Variants in DMD observed in about 807,000 individuals in gnomAD.
The protein encoded by DMD is dystrophin.
DMD carries 63 observed loss-of-function variants against 330.1 expected under a neutral mutation model. The observed-to-expected ratio is 0.19, with a 90% CI of 0.16 to 0.24. DMD has a LOEUF of 0.24. Ranked by LOEUF, DMD falls within the 10% of genes least tolerant of loss-of-function variation. The pLI is 1.00. For synonymous variants in DMD, 1,223 were observed against 959.8 expected (o/e 1.27, Z -5.07); for missense variants, 3,344 against 2,684.1 (o/e 1.25, Z -5.43).
intron 50 of DMD, among the ~76,000 whole-genome samples, chrX:31,793,066 C>T (rs769343963): frequency 5.4e-5 from 6 of 110,904 alleles, no homozygotes; most frequent in Non-Finnish European, 1.1e-4. Flanking sequence ...AAGTAATCTT[C>T]CCCTGAAGTC....
chrX:32,051,576 T>C (rs1196359161), intron 44 of DMD, among the ~76,000 whole-genome samples: 1 of 109,604 alleles, frequency 9.1e-6, no homozygotes, highest in Non-Finnish European at 1.9e-5. Context: ...ACACTAGATA[T>C]AGGTGAAGTG....
intron 45 of DMD, among the ~76,000 whole-genome samples, chrX:31,953,867 T>C (rs1722569487): frequency 9.0e-6 from 1 of 111,706 alleles, no homozygotes; most frequent in South Asian, 3.7e-4. Context: ...GTTACATACT[T>C]CCAAAGGTAA....
At position 33,096,785 on chromosome X, in the gene DMD, C is replaced by T. The variant is rs184055324; in HGVS notation, c.32-76585G>A. ...CCTCCCAAAGTGCTGGGATTATAGGCGCGAGCCACCGCACCTGGCCAAAGG... is the reference window on the plus strand; with the variant it reads ...CCTCCCAAAGTGCTGGGATTATAGGTGCGAGCCACCGCACCTGGCCAAAGG... On this transcript the variant is annotated intron_variant, in intron 1 of 78. Transcript: ENST00000357033. Among the ~76,000 whole-genome samples, 75 of 112,399 alleles carry T rather than the reference C, an allele frequency of 6.7e-4. 2 individuals are homozygous for T. In the East Asian group the frequency reaches 0.015, roughly 22 times the overall value.
intron 47 of DMD, among the ~76,000 whole-genome samples, chrX:31,903,295 T>A (rs2094444331): frequency 9.0e-6 from 1 of 111,625 alleles, no homozygotes; most frequent in South Asian, 3.7e-4. Flanking sequence ...CTAGCCATAT[T>A]TCAAATGCTC....
intron 27 of DMD, among the ~76,000 whole-genome samples, chrX:32,443,988 G>A (rs957462960): frequency 9.0e-6 from 1 of 110,674 alleles, no homozygotes; most frequent in Non-Finnish European, 1.9e-5. Context: ...AGAACCTCAG[G>A]TGTGAGAAAG....
At chrX:31,344,868 C>T (rs1312860138) in intron 61 of DMD, among the ~76,000 whole-genome samples, 1 of 110,664 alleles carries the variant, frequency 9.0e-6, no homozygotes, top group Non-Finnish European at 1.9e-5. Flanking sequence ...TACACACACA[C>T]ACACACACAC....
At chrX:31,469,683 T>C (rs1433851404) in intron 59 of DMD, among the ~76,000 whole-genome samples, 2 of 111,454 alleles carry the variant, frequency 1.8e-5, no homozygotes, top group Non-Finnish European at 3.8e-5. Flanking sequence ...CTTTGTGGTG[T>C]TCTCCATATT....
In DMD at chrX:33,096,635, G is replaced by A. The variant is rs187529734; in HGVS notation, c.32-76435C>T. On this transcript the variant is annotated intron_variant, in intron 1 of 78. Coordinates refer to ENST00000357033, the MANE Select transcript of DMD (RefSeq NM_004006.3). Reference sequence around the variant, plus strand: ...TTCTCCTGCCTCAGCCTCCCAAGTAGCTGGGATTACAAGCATGCACCACCA... The same window carrying A: ...TTCTCCTGCCTCAGCCTCCCAAGTAACTGGGATTACAAGCATGCACCACCA... Among the ~76,000 whole-genome samples the A allele has an allele frequency of 3.9e-3, 425 of 109,993 alleles. 2 individuals carry two copies. The highest frequency in any genetic ancestry group is 0.013 in the African/African-American group (403 of 30,264).
At chrX:32,983,909 A>T (rs1319589665) in intron 2 of DMD, among the ~76,000 whole-genome samples, 2 of 111,410 alleles carry the variant, frequency 1.8e-5, no homozygotes, top group African/African-American at 6.5e-5. Flanking sequence ...TCTTATTTTT[A>T]AAAAATGCTA....
At chrX:32,959,626 A>T (rs1174739734) in intron 2 of DMD, among the ~76,000 whole-genome samples, 2 of 111,137 alleles carry the variant, frequency 1.8e-5, no homozygotes. Context: ...TGACTGCCCA[A>T]ATCCTTACTG....
intron 12 of DMD, among the ~76,000 whole-genome samples, chrX:32,608,218 T>A (rs1248354549): frequency 9.1e-6 from 1 of 110,269 alleles, no homozygotes; most frequent in Non-Finnish European, 1.9e-5. Context: ...ATTTTAATAA[T>A]CTATAGCATT....
intron 1 of DMD, among the ~76,000 whole-genome samples, chrX:33,203,629 T>C (rs747490948): frequency 1.8e-5 from 2 of 110,287 alleles, no homozygotes; most frequent in Admixed American, 9.7e-5. Flanking sequence ...TTATTTTCCT[T>C]AGAATTTCAT....
chrX:33,066,438 G>C (rs778816066), intron 1 of DMD, among the ~76,000 whole-genome samples: 12 of 62,218 alleles, frequency 1.9e-4, no homozygotes, highest in African/African-American at 7.2e-4. Flanking sequence ...AAAACAGTGA[G>C]ACTCTGTCAA....
At chrX:32,810,945 G>A (rs1274448345) in intron 6 of DMD, among the ~76,000 whole-genome samples, 3 of 110,718 alleles carry the variant, frequency 2.7e-5, no homozygotes, top group Non-Finnish European at 3.8e-5. Context: ...TTCGCTTTTC[G>A]AAGACATAAA....
At chrX:32,891,432 T>C (rs1033606119) in intron 2 of DMD, among the ~76,000 whole-genome samples, 4 of 112,491 alleles carry the variant, frequency 3.6e-5, no homozygotes, top group Admixed American at 1.9e-4. Context: ...AGATGCAAAG[T>C]GATTTTTAAA....
In DMD at chrX:32,983,993, G is replaced by A. The variant is rs144525146; in HGVS notation, c.93+36146C>T. Among the ~76,000 whole-genome samples, 802 of 111,115 alleles carry A rather than the reference G, an allele frequency of 7.2e-3. 3 individuals are homozygous for A. Among genetic ancestry groups the A allele is most frequent in the Non-Finnish European group, 0.011 (602 of 53,030 alleles). On this transcript the variant is annotated intron_variant, in intron 2 of 78. Coordinates refer to ENST00000357033, the MANE Select transcript of DMD (RefSeq NM_004006.3). ...ATGGACATGAACTTATCTTCAAAGCGTCTTTTCTGTTTAAAGCTATGTCCT... is the reference window on the plus strand; with the variant it reads ...ATGGACATGAACTTATCTTCAAAGCATCTTTTCTGTTTAAAGCTATGTCCT...
chrX:32,972,209 G>C (rs1268208462), intron 2 of DMD, among the ~76,000 whole-genome samples: 3 of 111,099 alleles, frequency 2.7e-5, no homozygotes, highest in Non-Finnish European at 5.7e-5. Context: ...ATAGGGTCTT[G>C]CTCTGTAGCC....
intron 2 of DMD, among the ~76,000 whole-genome samples, chrX:33,002,558 G>T (rs1468191847): frequency 9.1e-6 from 1 of 109,858 alleles, no homozygotes; most frequent in Admixed American, 9.7e-5. Context: ...CATCTGATTG[G>T]TTGCAAAAAG....
At position 31,137,271 on chromosome X, in the gene DMD, G is replaced by A. The variant is rs190823038; in HGVS notation, c.10922-3077C>T. ...CCTGACCTCGTGATCCACCTGCCTC[G>A]GCCTCCCAAAGTGCTGGGATTACAG... On this transcript the variant is annotated intron_variant, in intron 76 of 78. Transcript: ENST00000357033. Among the ~76,000 whole-genome samples the A allele has an allele frequency of 2.3e-3, 258 of 111,360 alleles. 2 individuals are homozygous for A. Among genetic ancestry groups the A allele is most frequent in the African/African-American group, 7.8e-3 (238 of 30,653 alleles).
Sources: gnomAD v4.1 joint callset for allele counts (sites outside exome capture counted in the v4.1 genomes callset) on GRCh38, gnomAD v4.1.1 for gene constraint, MANE v1.5 for transcripts, NCBI Gene and HGNC (gene_info 2026-07-23, HGNC 2026-07-21) for gene names.